CPNE8: variants seen among roughly 807,000 people sequenced by gnomAD.
The protein encoded by CPNE8 is copine-8.
A neutral mutation model predicts 81.5 loss-of-function variants in CPNE8; 45 were observed. The observed-to-expected ratio is 0.55, with a 90% CI of 0.44 to 0.71. CPNE8 has a LOEUF of 0.71. Among genes scored for constraint, CPNE8 ranks in the 30% least tolerant of loss-of-function variants. CPNE8 has a pLI of 0.00. For synonymous variants in CPNE8, 252 were observed against 226.3 expected, an observed-to-expected ratio of 1.11 and a Z score of -1.02; for missense variants, 594 against 672.1, an observed-to-expected ratio of 0.88 and a Z score of 1.28.
chr12:38,793,642 C>T (rs1426246688), intron 6 of CPNE8, among the ~76,000 whole-genome samples: 1 of 151,784 alleles, frequency 6.6e-6, no homozygotes, highest in Non-Finnish European at 1.5e-5. Context: ...TCCATATTAC[C>T]CAAAGTGGCT....
At chr12:38,884,314 C>T (rs1944207872) in intron 1 of CPNE8, among the ~76,000 whole-genome samples, 1 of 152,132 alleles carries the variant, frequency 6.6e-6, no homozygotes, top group African/African-American at 2.4e-5. Context: ...CTTTTTGTGA[C>T]TAGCTTCTTT....
chr12:38,805,675 A>T lies in CPNE8; in HGVS notation c.407+23704T>A, dbSNP rs549328201. Among the ~76,000 whole-genome samples, 47 of 35,944 alleles carry T rather than the reference A, an allele frequency of 1.3e-3. 2 individuals carry two copies. In the South Asian group the frequency reaches 0.032, roughly 24 times the overall value. 23.6% of individuals were successfully genotyped at this position (35,944 alleles called of 152,430 possible). ...TTAGAGTATAATAAAAAAAAAAAACATTAAAAAAAAAAAAAAGAACTAGAA... is the reference window on the plus strand; with the variant it reads ...TTAGAGTATAATAAAAAAAAAAAACTTTAAAAAAAAAAAAAAGAACTAGAA... On this transcript the variant is annotated intron_variant, in intron 6 of 19. Transcript: ENST00000331366.
At chr12:38,680,455 C>A (rs1401088460) in intron 16 of CPNE8, among the ~76,000 whole-genome samples, 1 of 152,044 alleles carries the variant, frequency 6.6e-6, no homozygotes, top group African/African-American at 2.4e-5. Flanking sequence ...GAAGTGATCA[C>A]TGTATCCACA....
chr12:38,716,307 C>T (rs1592032628), intron 13 of CPNE8, among the ~76,000 whole-genome samples: 1 of 151,970 alleles, frequency 6.6e-6, no homozygotes, highest in East Asian at 1.9e-4. Flanking sequence ...TCCTAAAAAT[C>T]ATATGGAACC....
rs1345152417 is a variant in CPNE8 at position 38,792,419 on chromosome 12, AAATGAAAAAAG to A, written c.408-16129_408-16119del. On this transcript the variant is annotated intron_variant, in intron 6 of 19. Transcript: ENST00000331366. ...GGGGACAATACAACTGATGCTGCAG[AAATGAAAAAAG>A]TATAAGAATATTATGAACAACTGCA... 2.6e-5 allele frequency among the ~76,000 whole-genome samples: 4 copies of A among 151,544 alleles called. No individual in the cohort carries two copies. In the East Asian group the frequency reaches 7.7e-4, roughly 29 times the overall value.
intron 6 of CPNE8, among the ~76,000 whole-genome samples, chr12:38,807,618 C>T (rs1379351774): frequency 2.6e-5 from 4 of 151,696 alleles, no homozygotes; most frequent in Non-Finnish European, 5.9e-5. Context: ...GGATTAAAGA[C>T]TTAAACGTTA....
chr12:38,798,787 C>G (rs930932514), intron 6 of CPNE8, among the ~76,000 whole-genome samples: 2 of 152,162 alleles, frequency 1.3e-5, no homozygotes, highest in African/African-American at 4.8e-5. Context: ...CATCAGTGTG[C>G]TGTATTCAGG....
intron 1 of CPNE8, among the ~76,000 whole-genome samples, chr12:38,897,183 A>C (rs1285343492): frequency 1.3e-5 from 2 of 152,124 alleles, no homozygotes; most frequent in African/African-American, 4.8e-5. Context: ...AATTCTCATT[A>C]ATCTCTAAAT....
At chr12:38,862,309 AGAT>A (rs1393023282) in intron 3 of CPNE8, among the ~76,000 whole-genome samples, 1 of 151,746 alleles carries the variant, frequency 6.6e-6, no homozygotes, top group Non-Finnish European at 1.5e-5. Context: ...CCTGAAGATT[AGAT>A]GGTGGAAACA....
intron 1 of CPNE8, among the ~76,000 whole-genome samples, chr12:38,902,293 A>AG (rs1488027415): frequency 8.9e-6 from 1 of 112,646 alleles, no homozygotes; most frequent in East Asian, 2.4e-4. Flanking sequence ...GAAGGAAGGA[A>AG]GGAAAGGAAG....
intron 6 of CPNE8, among the ~76,000 whole-genome samples, chr12:38,811,408 T>C (rs923750364): frequency 2.0e-5 from 3 of 152,110 alleles, no homozygotes; most frequent in African/African-American, 7.2e-5. Flanking sequence ...AAAAAATGAA[T>C]AAACTAGGGC....
chr12:38,848,513 T>C (rs1943593306), intron 4 of CPNE8, 46 bp downstream of exon 4: 3 of 1,531,032 alleles, frequency 2.0e-6, no homozygotes, highest in Admixed American at 2.3e-5. Context: ...AGTAATATTG[T>C]CTTTAAAATC....
chr12:38,730,360 TA>T lies in CPNE8; in HGVS notation c.723-3del. The T allele has an allele frequency of 7.0e-7, 1 of 1,435,678 alleles. No individual in the cohort carries two copies. 88.9% of individuals were successfully genotyped at this position (1,435,678 alleles called of 1,614,324 possible). A position where few individuals can be genotyped will look rare whatever the true frequency, so the allele number is the denominator to read the frequency against. ...GTAAATTCTCCAATGAAATCATGAC[TA>T]AAATTAAAGGAAAAAAGTACATAAT... On this transcript the variant is annotated splice_polypyrimidine_tract_variant and splice_region_variant and intron_variant, in intron 10 of 19. Transcript: ENST00000331366.
intron 6 of CPNE8, among the ~76,000 whole-genome samples, chr12:38,791,483 A>G (rs1942322648): frequency 6.6e-6 from 1 of 151,700 alleles, no homozygotes; most frequent in Non-Finnish European, 1.5e-5. Context: ...AGGAATAAAA[A>G]TAGAGAAGAG....
At chr12:38,753,269 T>A (rs1042802199) in intron 10 of CPNE8, among the ~76,000 whole-genome samples, 1 of 151,994 alleles carries the variant, frequency 6.6e-6, no homozygotes, top group Non-Finnish European at 1.5e-5. Flanking sequence ...CTGGTCAACA[T>A]GGTGAAACCC....
rs1938902443 is a variant in CPNE8, at chr12:38,659,546, A to G, written c.1507-5476T>C. ...TGAACTCAGCTCTGCACCAAGCAGA[A>G]CTAATAGACATCTACAGAACTCTCT... On this transcript the variant is annotated intron_variant, in intron 19 of 19. Transcript: ENST00000331366. Among the ~76,000 whole-genome samples the G allele has an allele frequency of 2.0e-5, 3 of 152,150 alleles. 1 individual carries two copies. In the South Asian group the frequency reaches 6.2e-4, roughly 32 times the overall value.
intron 3 of CPNE8, among the ~76,000 whole-genome samples, chr12:38,869,738 A>T (rs1943963608): frequency 6.6e-6 from 1 of 152,156 alleles, no homozygotes; most frequent in Non-Finnish European, 1.5e-5. Flanking sequence ...ATCTTCAGCC[A>T]TCTTCAGCTC....
intron 13 of CPNE8, among the ~76,000 whole-genome samples, chr12:38,710,346 A>G (rs1450952393): frequency 1.3e-5 from 2 of 150,220 alleles, no homozygotes; most frequent in East Asian, 2.0e-4. Flanking sequence ...AAAATGAGGT[A>G]GGTGCCAGAG....
chr12:38,763,957 T>G (rs974224795), intron 8 of CPNE8, among the ~76,000 whole-genome samples: 8 of 152,014 alleles, frequency 5.3e-5, no homozygotes, highest in Non-Finnish European at 8.8e-5. Flanking sequence ...TATTAAGAGA[T>G]AAGATAGAAA....
Sources: gnomAD v4.1 joint callset for allele counts (sites outside exome capture counted in the v4.1 genomes callset) on GRCh38, gnomAD v4.1.1 for gene constraint, MANE v1.5 for transcripts, NCBI Gene and HGNC (gene_info 2026-07-23, HGNC 2026-07-21) for gene names.